Variants in ANKRD11 observed in about 807,000 individuals in gnomAD.
ANKRD11 encodes ankyrin repeat domain 11.
In ANKRD11, 17 loss-of-function variants were observed where a neutral mutation model predicts 195.7. The ratio of observed to expected loss-of-function variants is 0.09; its 90% CI spans 0.06 to 0.13. The LOEUF (loss-of-function observed/expected upper bound fraction) is 0.13. Ranked by LOEUF, ANKRD11 falls within the 10% of genes least tolerant of loss-of-function variation. ANKRD11 has a pLI of 1.00. For synonymous variants in ANKRD11, 1,953 were observed against 1,528.1 expected (o/e 1.28, Z -6.49); for missense variants, 3,735 against 3,566.1 (o/e 1.05, Z -1.21).
chr16:89,269,668 A>C (rs987856233), intron 12 of ANKRD11, among the ~76,000 whole-genome samples: 2 of 151,962 alleles, frequency 1.3e-5, no homozygotes, highest in Admixed American at 6.6e-5. Flanking sequence ...CAGTGGTGCA[A>C]TCTTGGCTTA....
chr16:89,300,386 A>G (rs1056546446), intron 4 of ANKRD11: 4 of 189,756 alleles, frequency 2.1e-5, no homozygotes, highest in African/African-American at 7.2e-5. Context: ...TCCACGGCAC[A>G]CTGCAGTGCA....
intron 1 of ANKRD11, among the ~76,000 whole-genome samples, chr16:89,486,560 T>G (rs1437723736): frequency 6.6e-6 from 1 of 151,918 alleles, no homozygotes; most frequent in Non-Finnish European, 1.5e-5. Flanking sequence ...CAGCGAGGTA[T>G]GTCGAGGCCA....
chr16:89,409,746 C>T (rs958377829), intron 2 of ANKRD11, among the ~76,000 whole-genome samples: 1 of 152,182 alleles, frequency 6.6e-6, no homozygotes, highest in Non-Finnish European at 1.5e-5. Flanking sequence ...GCCAAAATAT[C>T]CTGGCATTTT....
chr16:89,438,366 C>A (rs186103391), intron 1 of ANKRD11, among the ~76,000 whole-genome samples: 13 of 151,726 alleles, frequency 8.6e-5, no homozygotes, highest in Middle Eastern at 3.4e-3. Context: ...GTTGCCCAGG[C>A]TGGAGTGCAG....
chr16:89,482,645 C>T (rs1055495642), intron 1 of ANKRD11, among the ~76,000 whole-genome samples: 1 of 152,156 alleles, frequency 6.6e-6, no homozygotes. Flanking sequence ...GAAACAAGGG[C>T]CAGGCACAGT....
intron 1 of ANKRD11, among the ~76,000 whole-genome samples, chr16:89,489,670 C>G (rs2057745796): frequency 6.6e-6 from 1 of 151,868 alleles, no homozygotes; most frequent in African/African-American, 2.4e-5. Flanking sequence ...CAGAACCCGG[C>G]GCCCGGCCAG....
rs761910408 is a variant in ANKRD11, at chr16:89,282,154, T to C, written c.4388A>G (p.Glu1463Gly). The change falls in exon 9 of 13, where the codon GAG (glutamate) becomes GGG (glycine). Residue 1463 changes from glutamate to glycine, a missense_variant. Coordinates refer to ENST00000301030, the MANE Select transcript of ANKRD11 (RefSeq NM_013275.6). The stretch of plus-strand genomic sequence containing the variant: ...GTCTCTCCATTTCTCCCTGTGTTTC[T>C]CTCTCTTCTTCTTCTCTTTTAGGAT... ...INILKEKKKR[E>G]KHREKWRDEK... 2.5e-6 allele frequency: 4 copies of C among 1,614,004 alleles called. No homozygotes were observed. In the Admixed American group the frequency reaches 5.0e-5, roughly 20 times the overall value.
At chr16:89,386,673 C>G (rs1399961711) in intron 2 of ANKRD11, among the ~76,000 whole-genome samples, 1 of 152,234 alleles carries the variant, frequency 6.6e-6, no homozygotes, top group African/African-American at 2.4e-5. Context: ...ACTCCCTTAC[C>G]TTCTGCTAGG....
intron 2 of ANKRD11, among the ~76,000 whole-genome samples, chr16:89,344,151 G>A (rs1000728156): frequency 6.6e-6 from 1 of 152,196 alleles, no homozygotes; most frequent in Non-Finnish European, 1.5e-5. Flanking sequence ...GCTCTGGGAG[G>A]AGCACACACG....
In ANKRD11 at chr16:89,279,939, T is replaced by C; in HGVS notation, c.6603A>G (p.Ala2201=). The C allele has an allele frequency of 1.2e-6, 2 of 1,610,200 alleles. No individual in the cohort carries two copies. The highest frequency in any genetic ancestry group is 1.7e-6 in the Non-Finnish European group (2 of 1,179,822). ...PPDQASTRLP[A]ELEPEPSGEP... ...CCCCTGAGGGCTCAGGCTCGAGCTCTGCAGGGAGCCGGGTGGAGGCCTGGT... is the reference window on the plus strand; with the variant it reads ...CCCCTGAGGGCTCAGGCTCGAGCTCCGCAGGGAGCCGGGTGGAGGCCTGGT... The change falls in exon 9 of 13, where the codon GCA becomes GCG. Residue 2201 remains alanine (A), a synonymous_variant. Coordinates refer to ENST00000301030, the MANE Select transcript of ANKRD11 (RefSeq NM_013275.6). This position sits in a 1 kb window ranked among gnomAD's most constrained non-coding sequence, Gnocchi z 5.6.
chr16:89,274,853 C>T lies in ANKRD11; in HGVS notation c.7674G>A (p.Leu2558=), dbSNP rs778206999. The part of the protein sequence containing the change: ...QAVPFSACTM[L]LDSEVYNMPL... ...GCATGTTGTAGACCTCGGAGTCCAG[C>T]AGCATCGTGCAGGCGCTGAATGGCA... Residue 2558 remains leucine (L), a synonymous_variant, in exon 11 of 13, where the codon CTG becomes CTA. Transcript: ENST00000301030. 9 of 1,612,720 alleles carry T rather than the reference C, an allele frequency of 5.6e-6. No homozygotes were observed. The African/African-American group carries it at 1.2e-4, about 22-fold the overall frequency.
chr16:89,427,337 C>T (rs2042757463), intron 1 of ANKRD11, among the ~76,000 whole-genome samples: 1 of 152,178 alleles, frequency 6.6e-6, no homozygotes, highest in South Asian at 2.1e-4. Context: ...AGCAACACCC[C>T]CCAGGGTGAC....
chr16:89,455,899 A>G (rs2056412874), intron 1 of ANKRD11, among the ~76,000 whole-genome samples: 1 of 152,152 alleles, frequency 6.6e-6, no homozygotes, highest in Non-Finnish European at 1.5e-5. Flanking sequence ...AAAGTGTTCA[A>G]ATGGAAACCT....
chr16:89,481,550 T>C (rs974365068), intron 1 of ANKRD11, among the ~76,000 whole-genome samples: 3 of 152,176 alleles, frequency 2.0e-5, no homozygotes, highest in Non-Finnish European at 4.4e-5. Flanking sequence ...GAGCAAGACC[T>C]TGTCTCAAAA....
chr16:89,448,396 ACTT>A (rs1178285202), intron 1 of ANKRD11, among the ~76,000 whole-genome samples: 3 of 152,140 alleles, frequency 2.0e-5, no homozygotes, highest in African/African-American at 4.8e-5. Context: ...CTCAAGAAAA[ACTT>A]CTCCCTGATC....
At chr16:89,356,865 C>T (rs963835580) in intron 2 of ANKRD11, among the ~76,000 whole-genome samples, 2 of 151,316 alleles carry the variant, frequency 1.3e-5, no homozygotes, top group African/African-American at 4.9e-5. Context: ...ACATAATAAA[C>T]AACAAAAGCC....
rs142072311 is a variant in ANKRD11, at chr16:89,404,228, G to A, written c.-60+14056C>T. ...TTGAGAGGGGAAGCCCAGTTTGGCCGACTGTAGAACCCTGTTCTAGTCTCC... is the reference window on the plus strand; with the variant it reads ...TTGAGAGGGGAAGCCCAGTTTGGCCAACTGTAGAACCCTGTTCTAGTCTCC... On this transcript the variant is annotated intron_variant, in intron 2 of 12. Coordinates refer to ENST00000301030, the MANE Select transcript of ANKRD11 (RefSeq NM_013275.6). 6.6e-3 allele frequency among the ~76,000 whole-genome samples: 1,004 copies of A among 152,262 alleles called. 41 individuals are homozygous for A. Among genetic ancestry groups the A allele is most frequent in the Admixed American group, 0.047 (719 of 15,278 alleles).
chr16:89,432,512 A>G (rs970337685), intron 1 of ANKRD11, among the ~76,000 whole-genome samples: 1 of 152,122 alleles, frequency 6.6e-6, no homozygotes, highest in Non-Finnish European at 1.5e-5. Context: ...CCATCTTCCT[A>G]GAATGCCCTT....
chr16:89,274,800 CAG>C lies in ANKRD11; in HGVS notation c.7713+12_7713+13del. On this transcript the variant is annotated intron_variant, in intron 11 of 12. Coordinates refer to ENST00000301030, the MANE Select transcript of ANKRD11 (RefSeq NM_013275.6). ...CACTTGGACTCATGGGCCTGGCATG[CAG>C]ACGGGCCCTACCTGGCTCTCCAGGG... 6.2e-7 allele frequency: 1 copy of C among 1,608,202 alleles called. No individual in the cohort carries two copies. Among genetic ancestry groups the C allele is most frequent in the African/African-American group, 1.3e-5 (1 of 74,998 alleles).
Sources: allele counts gnomAD v4.1 joint callset (sites outside exome capture counted in the v4.1 genomes callset), GRCh38; gene constraint gnomAD v4.1.1; non-coding constraint Gnocchi (gnomAD v3.1); transcripts MANE v1.5; gene names NCBI Gene and HGNC (gene_info 2026-07-23, HGNC 2026-07-21).